The following HS3ST4 variants were observed in gnomAD, a reference collection of about 807,000 sequenced individuals.
HS3ST4 encodes the protein heparan sulfate-glucosamine 3-sulfotransferase 4.
In HS3ST4, 17 loss-of-function variants were observed where a neutral mutation model predicts 29.2. The ratio of observed to expected loss-of-function variants is 0.58; its 90% CI spans 0.40 to 0.87. HS3ST4 has a LOEUF of 0.87. Ranked by LOEUF, HS3ST4 falls within the 40% of genes least tolerant of loss-of-function variation. The probability of loss-of-function intolerance (pLI) is 0.00; values close to 1 mark genes in which losing one functional copy is unlikely to be tolerated. For synonymous variants in HS3ST4, 314 were observed against 285.7 expected, an observed-to-expected ratio of 1.10 and a Z score of -1.00; for missense variants, 627 against 634.5, an observed-to-expected ratio of 0.99 and a Z score of 0.13.
At chr16:25,849,489 G>T (rs1020062846) in intron 1 of HS3ST4, among the ~76,000 whole-genome samples, 3 of 151,880 alleles carry the variant, frequency 2.0e-5, no homozygotes, top group African/African-American at 7.3e-5. Flanking sequence ...TTTCTTTAGC[G>T]CTTCTTTTTC....
intron 1 of HS3ST4, among the ~76,000 whole-genome samples, chr16:26,079,005 T>C (rs1406064907): frequency 6.6e-6 from 1 of 152,190 alleles, no homozygotes; most frequent in Non-Finnish European, 1.5e-5. Flanking sequence ...CAGTAGGCTC[T>C]CATTGTTTGT....
At position 25,989,864 on chromosome 16, in the gene HS3ST4, C is replaced by T. The variant is rs573991332; in HGVS notation, c.735-145748C>T. On this transcript the variant is annotated intron_variant, in intron 1 of 1. Transcript: ENST00000331351. Reference sequence around the variant, plus strand: ...GATGCCAGGGTCGCTATAAAGTAGTCAGTTTGTTAAAACTGTTTAATCACC... The same window carrying T: ...GATGCCAGGGTCGCTATAAAGTAGTTAGTTTGTTAAAACTGTTTAATCACC... Among the ~76,000 whole-genome samples, 28 of 152,316 alleles carry T rather than the reference C, an allele frequency of 1.8e-4. No individual in the cohort carries two copies. The South Asian group carries it at 5.4e-3, about 29-fold the overall frequency.
intron 1 of HS3ST4, among the ~76,000 whole-genome samples, chr16:25,937,886 A>G (rs757082355): frequency 3.9e-5 from 6 of 152,140 alleles, no homozygotes; most frequent in Non-Finnish European, 7.3e-5. Context: ...GCCCAAAGTT[A>G]CCTAGTGAAG....
chr16:26,002,004 G>A (rs188599140), intron 1 of HS3ST4, among the ~76,000 whole-genome samples: 7 of 152,258 alleles, frequency 4.6e-5, no homozygotes, highest in East Asian at 3.9e-4. Flanking sequence ...AACAAGCCAC[G>A]TTGTCTGCTT....
At chr16:26,010,690 G>T (rs1040031192) in intron 1 of HS3ST4, among the ~76,000 whole-genome samples, 2 of 152,172 alleles carry the variant, frequency 1.3e-5, no homozygotes, top group Middle Eastern at 3.4e-3. Flanking sequence ...GATGTTCTGC[G>T]TAGCACTTAG....
intron 1 of HS3ST4, among the ~76,000 whole-genome samples, chr16:26,026,186 C>T (rs893291572): frequency 6.6e-6 from 1 of 152,202 alleles, no homozygotes; most frequent in Non-Finnish European, 1.5e-5. Flanking sequence ...GGATTACAGG[C>T]GTGAGCCACC....
At position 25,816,068 on chromosome 16, in the gene HS3ST4, A is replaced by G. The variant is rs1967090311; in HGVS notation, c.734+122917A>G. Among the ~76,000 whole-genome samples the G allele has an allele frequency of 2.0e-5, 3 of 152,214 alleles. No homozygotes were observed. In the South Asian group the frequency reaches 6.2e-4, roughly 31 times the overall value. On this transcript the variant is annotated intron_variant, in intron 1 of 1. Coordinates refer to ENST00000331351, the MANE Select transcript of HS3ST4 (RefSeq NM_006040.3). ...AAAAATCTAAAGGAGAAATAAAATA[A>G]AGGGAATTTATTATAAAATACATAT...
chr16:25,698,550 A>G (rs745992861), intron 1 of HS3ST4, among the ~76,000 whole-genome samples: 1 of 152,210 alleles, frequency 6.6e-6, no homozygotes, highest in African/African-American at 2.4e-5. Flanking sequence ...TCTGAGGGTA[A>G]TTGCTTCCTT....
At chr16:25,703,107 C>A (rs901728774) in intron 1 of HS3ST4, among the ~76,000 whole-genome samples, 3 of 151,884 alleles carry the variant, frequency 2.0e-5, no homozygotes, top group Non-Finnish European at 1.5e-5. Flanking sequence ...TGCATTGAGC[C>A]GAGATTGCAC....
At chr16:25,914,480 G>A (rs1485958612) in intron 1 of HS3ST4, among the ~76,000 whole-genome samples, 3 of 151,386 alleles carry the variant, frequency 2.0e-5, no homozygotes, top group Non-Finnish European at 4.4e-5. Flanking sequence ...AGTGGGGTGT[G>A]TAAGCAATGT....
intron 1 of HS3ST4, among the ~76,000 whole-genome samples, chr16:25,725,350 A>G (rs577509539): frequency 1.3e-5 from 2 of 152,258 alleles, no homozygotes; most frequent in Admixed American, 6.5e-5. Flanking sequence ...TCTTCCCCTT[A>G]GCCCCCGGTT....
chr16:25,928,998 G>T (rs970364225), intron 1 of HS3ST4, among the ~76,000 whole-genome samples: 2 of 152,164 alleles, frequency 1.3e-5, no homozygotes, highest in East Asian at 1.9e-4. Flanking sequence ...TCCAAGGTGT[G>T]CAAGAGTGAA....
At chr16:25,805,047 C>T (rs79146366) in intron 1 of HS3ST4, among the ~76,000 whole-genome samples, 1 of 152,048 alleles carries the variant, frequency 6.6e-6, no homozygotes, top group Non-Finnish European at 1.5e-5. Context: ...ATCTTCTCCT[C>T]CAAGTGTGTT....
intron 1 of HS3ST4, among the ~76,000 whole-genome samples, chr16:25,832,922 G>T (rs1023045277): frequency 1.3e-5 from 2 of 152,208 alleles, no homozygotes; most frequent in Non-Finnish European, 2.9e-5. Flanking sequence ...GAATGTGAAT[G>T]GTCTGGGTCT....
chr16:25,918,153 A>G (rs961853917), intron 1 of HS3ST4, among the ~76,000 whole-genome samples: 2 of 152,246 alleles, frequency 1.3e-5, no homozygotes, highest in Admixed American at 6.5e-5. Flanking sequence ...TGATACAAAT[A>G]TGGGTAGAAT....
chr16:25,740,948 A>C (rs1028434700), intron 1 of HS3ST4, among the ~76,000 whole-genome samples: 1 of 152,150 alleles, frequency 6.6e-6, no homozygotes, highest in Non-Finnish European at 1.5e-5. Flanking sequence ...GACATAGTGA[A>C]ATTTCTCATT....
chr16:26,101,128 A>G (rs909394964), intron 1 of HS3ST4, among the ~76,000 whole-genome samples: 3 of 151,910 alleles, frequency 2.0e-5, no homozygotes, highest in African/African-American at 7.3e-5. Flanking sequence ...TTTCTGCAGA[A>G]CCTCTGGTCC....
At chr16:26,119,044 AT>A (rs1555485029) in intron 1 of HS3ST4, among the ~76,000 whole-genome samples, 3 of 152,232 alleles carry the variant, frequency 2.0e-5, no homozygotes, top group Non-Finnish European at 4.4e-5. Context: ...ATGAAACATT[AT>A]TCTTATCGTT....
At chr16:25,986,421 G>A (rs11645226) in intron 1 of HS3ST4, among the ~76,000 whole-genome samples, 19,780 of 152,124 alleles carry the variant, frequency 0.13, 1,350 homozygotes, top group Middle Eastern at 0.16. Flanking sequence ...TATTTTCATT[G>A]GAGGTTTTAG....
Sources: allele counts gnomAD v4.1 joint callset (sites outside exome capture counted in the v4.1 genomes callset), GRCh38; gene constraint gnomAD v4.1.1; transcripts MANE v1.5; gene names NCBI Gene and HGNC (gene_info 2026-07-23, HGNC 2026-07-21).